The following C5 variants were observed in gnomAD, a reference collection of about 807,000 sequenced individuals.
C5 encodes the protein C3 and PZP-like alpha-2-macroglobulin domain-containing protein 4.
In C5, 140 loss-of-function variants were observed where a neutral mutation model predicts 218.8. The ratio of observed to expected loss-of-function variants is 0.64; its 90% CI spans 0.56 to 0.74. The LOEUF is 0.74. Among genes scored for constraint, C5 ranks in the 30% least tolerant of loss-of-function variants. The probability of loss-of-function intolerance (pLI) is 0.00; values close to 1 mark genes in which losing one functional copy is unlikely to be tolerated. For synonymous variants in C5, 614 were observed against 682.3 expected, an observed-to-expected ratio of 0.90 and a Z score of 1.56; for missense variants, 1,700 against 1,969.6, an observed-to-expected ratio of 0.86 and a Z score of 2.59.
At chr9:120,963,314 G>T (rs962143401) in intron 34 of C5, among the ~76,000 whole-genome samples, 1 of 152,172 alleles carries the variant, frequency 6.6e-6, no homozygotes, top group African/African-American at 2.4e-5. Context: ...AGACCAGCCT[G>T]ACTGACATGG....
chr9:121,013,854 T>C lies in C5; in HGVS notation c.2257+19A>G, dbSNP rs369345827. Reference sequence around the variant, plus strand: ...TTCCCCATATTGAGCAGAATTCTGATAGAAAATGTCATACTTACGTAGCCT... The same window carrying C: ...TTCCCCATATTGAGCAGAATTCTGACAGAAAATGTCATACTTACGTAGCCT... On this transcript the variant is annotated intron_variant, in intron 17 of 40. Transcript: ENST00000223642. The C allele has an allele frequency of 5.6e-6, 9 of 1,606,950 alleles. No individual in the cohort carries two copies. The South Asian group carries it at 6.6e-5, about 12-fold the overall frequency.
chr9:121,011,369 GA>G (rs1386551497), intron 17 of C5, among the ~76,000 whole-genome samples: 2 of 152,178 alleles, frequency 1.3e-5, no homozygotes, highest in Non-Finnish European at 2.9e-5. Flanking sequence ...AAAAGCATGT[GA>G]AAAGGTGCTC....
intron 40 of C5, 49 bp downstream of exon 40, chr9:120,953,681 A>G: frequency 6.3e-7 from 1 of 1,580,946 alleles, no homozygotes; most frequent in Non-Finnish European, 8.7e-7. Context: ...AATAAATTAT[A>G]CTCAGTTTTG....
intron 20 of C5, among the ~76,000 whole-genome samples, chr9:121,003,824 A>G (rs1243390390): frequency 6.6e-6 from 1 of 152,232 alleles, no homozygotes; most frequent in African/African-American, 2.4e-5. Context: ...ACATTTATCC[A>G]TAACTATTAA....
chr9:120,960,138 T>C, intron 38 of C5, 110 bp downstream of exon 38: 2 of 730,112 alleles, frequency 2.7e-6, no homozygotes, highest in Non-Finnish European at 4.8e-6. Flanking sequence ...GGGGATCACA[T>C]GGAATGTTGT....
chr9:120,953,416 A>G (rs1297794654), intron 40 of C5, among the ~76,000 whole-genome samples: 1 of 152,194 alleles, frequency 6.6e-6, no homozygotes, highest in Non-Finnish European at 1.5e-5. Context: ...AGATAATACA[A>G]TACATATTTA....
chr9:120,971,802 T>A, intron 31 of C5, 128 bp downstream of exon 31: 1 of 708,200 alleles, frequency 1.4e-6, no homozygotes. Flanking sequence ...TTTACATAAG[T>A]GAATCCCACT....
At chr9:121,072,593 G>A in the C5 span, among the ~76,000 whole-genome samples, 1 of 152,010 alleles carries the variant, frequency 6.6e-6, no homozygotes, top group Non-Finnish European at 1.5e-5. Flanking sequence ...GATCACGTGA[G>A]GTCAGGAGAT....
intron 21 of C5, among the ~76,000 whole-genome samples, chr9:120,997,024 C>T (rs1390144584): frequency 4.6e-5 from 7 of 151,932 alleles, no homozygotes; most frequent in Non-Finnish European, 1.0e-4. Flanking sequence ...ACAAATTATA[C>T]TTTTCTTCTT....
In C5 at chr9:120,952,774, C is replaced by T. The variant is rs750465028; in HGVS notation, c.4996G>A (p.Glu1666Lys). ...TTTAAAAAGATATCTTCGGCAAATT[C>T]ATCTAAATTAGCTAAAAATGCTTGA... Reference protein sequence around the residue: ...SCQAFLANLDEFAEDIFLNGC With the variant: ...SCQAFLANLDKFAEDIFLNGC The change falls in exon 41 of 41, where the codon GAA becomes AAA. Residue 1666 changes from glutamate to lysine, a missense_variant. Coordinates refer to ENST00000223642, the MANE Select transcript of C5 (RefSeq NM_001735.3). The T allele has an allele frequency of 1.9e-6, 3 of 1,613,688 alleles. No homozygotes were observed. Among genetic ancestry groups the T allele is most frequent in the Admixed American group, 1.7e-5 (1 of 59,998 alleles).
intron 4 of C5, among the ~76,000 whole-genome samples, chr9:121,037,421 C>A (rs1162271932): frequency 8.3e-6 from 1 of 120,636 alleles, no homozygotes; most frequent in Non-Finnish European, 1.8e-5. Flanking sequence ...TCAAGCAATT[C>A]CCCCACCTCA....
chr9:121,031,957 G>A (rs1477793292), intron 6 of C5, among the ~76,000 whole-genome samples, 156 bp downstream of exon 6: 2 of 152,108 alleles, frequency 1.3e-5, no homozygotes, highest in Non-Finnish European at 2.9e-5. Context: ...CCAGCTACTT[G>A]GGATGCTGAG....
chr9:121,036,722 G>GT (rs1432978614), intron 4 of C5, among the ~76,000 whole-genome samples: 1 of 152,148 alleles, frequency 6.6e-6, no homozygotes, highest in African/African-American at 2.4e-5. Flanking sequence ...AGAGAAGGAT[G>GT]TGTATCACCC....
chr9:120,961,453 G>A (rs2046826569), intron 37 of C5, 29 bp downstream of exon 37: 3 of 1,427,892 alleles, frequency 2.1e-6, no homozygotes, highest in Non-Finnish European at 3.0e-6. Context: ...AAATAAGCAT[G>A]CAGCCTAAAT....
In C5 at chr9:121,046,370, C is replaced by T. The variant is rs202155041; in HGVS notation, c.79G>A (p.Ala27Thr). 1 of 1,610,660 alleles carries T rather than the reference C, an allele frequency of 6.2e-7. No individual in the cohort carries two copies. Among genetic ancestry groups the T allele is most frequent in the Non-Finnish European group, 8.5e-7 (1 of 1,177,262 alleles). ...WGQEQTYVIS[A>T]PKIFRVGASE... is the part of the protein sequence containing the mutation. ...GCTCCAACACGGAATATTTTTGGTG[C>T]TGAAATGACATATCTGTTGAAAAAG... Residue 27 changes from alanine to threonine, a missense_variant, in exon 2 of 41, where the codon GCA becomes ACA. By Grantham distance (58) the Ala-to-Thr change is moderately conservative. Transcript: ENST00000223642.
chr9:121,043,604 C>T (rs2047599617), intron 2 of C5, among the ~76,000 whole-genome samples: 1 of 151,994 alleles, frequency 6.6e-6, no homozygotes, highest in Non-Finnish European at 1.5e-5. Context: ...GCCATCTCAG[C>T]TCACGACAAC....
chr9:121,034,908 CA>C lies in C5; in HGVS notation c.493-15del. ...TCCTTCAGGATCCTGTAAATAAAAA[CA>C]AACACCCTCAAAGGCCAGAAACTAC... On this transcript the variant is annotated splice_polypyrimidine_tract_variant and intron_variant, in intron 4 of 40. Coordinates refer to ENST00000223642, the MANE Select transcript of C5 (RefSeq NM_001735.3). The C allele has an allele frequency of 7.4e-7, 1 of 1,348,504 alleles. No individual in the cohort carries two copies. Among genetic ancestry groups the C allele is most frequent in the Non-Finnish European group, 1.1e-6 (1 of 944,228 alleles). 83.5% of individuals were successfully genotyped at this position (1,348,504 alleles called of 1,614,324 possible).
the C5 span, chr9:121,074,800 C>T: frequency 2.0e-5 from 9 of 455,128 alleles, no homozygotes; most frequent in Admixed American, 1.2e-4. Flanking sequence ...GTCGGCCCCG[C>T]GCGGCCGGAA....
At chr9:121,066,568 G>C in the C5 span, among the ~76,000 whole-genome samples, 2 of 152,000 alleles carry the variant, frequency 1.3e-5, no homozygotes, top group Non-Finnish European at 2.9e-5. Flanking sequence ...CTTTGGGCCA[G>C]TTGTGGTGGG....
Sources: allele counts gnomAD v4.1 joint callset (sites outside exome capture counted in the v4.1 genomes callset), GRCh38; gene constraint gnomAD v4.1.1; transcripts MANE v1.5; gene names NCBI Gene and HGNC (gene_info 2026-07-23, HGNC 2026-07-21).